The following MTHFD2L variants were observed in gnomAD, a reference collection of about 807,000 sequenced individuals.
MTHFD2L encodes methylenetetrahydrofolate dehydrogenase (NADP+ dependent) 2 like.
A neutral mutation model predicts 34.9 loss-of-function variants in MTHFD2L; 29 were observed. The observed-to-expected ratio is 0.83, with a 90% CI of 0.62 to 1.13. The LOEUF (loss-of-function observed/expected upper bound fraction) is 1.13. MTHFD2L is among the 50% of genes most tolerant of loss of function. The pLI is 0.00. For synonymous variants in MTHFD2L, 167 were observed against 155.7 expected (o/e 1.07, Z -0.54); for missense variants, 481 against 446.5 (o/e 1.08, Z -0.70).
chr4:74,195,076 A>G (rs1023772902), intron 3 of MTHFD2L: 2 of 152,218 alleles, frequency 1.3e-5, no homozygotes, highest in African/African-American at 4.8e-5. Context: ...TTTTTTAGGA[A>G]AGCCTTCCAG....
intron 7 of MTHFD2L, among the ~76,000 whole-genome samples, chr4:74,297,283 G>C (rs1378193202): frequency 1.3e-5 from 2 of 151,968 alleles, no homozygotes; most frequent in East Asian, 3.8e-4. Flanking sequence ...AATAAGATTT[G>C]GTGATTGTTT....
At chr4:74,163,209 A>G (rs1725841044) in intron 1 of MTHFD2L, among the ~76,000 whole-genome samples, 1 of 152,178 alleles carries the variant, frequency 6.6e-6, no homozygotes. Flanking sequence ...TCTGCACATC[A>G]CTATTTTGTT....
intron 5 of MTHFD2L, among the ~76,000 whole-genome samples, chr4:74,224,663 A>G (rs955171711): frequency 1.3e-5 from 2 of 152,098 alleles, no homozygotes. Flanking sequence ...AGGCTTTCAT[A>G]TAAAATCTTC....
At chr4:74,216,568 G>C (rs916945524) in intron 5 of MTHFD2L, among the ~76,000 whole-genome samples, 3 of 151,598 alleles carry the variant, frequency 2.0e-5, no homozygotes, top group Middle Eastern at 3.2e-3. Context: ...TCTATCTCCT[G>C]TATACTTTAG....
At chr4:74,263,907 A>T (rs146129903) in intron 6 of MTHFD2L, among the ~76,000 whole-genome samples, 100 of 152,168 alleles carry the variant, frequency 6.6e-4, no homozygotes, top group African/African-American at 2.3e-3. Context: ...CTAACCTTTG[A>T]AAATCTGTCC....
intron 7 of MTHFD2L, among the ~76,000 whole-genome samples, chr4:74,283,632 A>C (rs1311877285): frequency 6.6e-6 from 1 of 152,108 alleles, no homozygotes; most frequent in Non-Finnish European, 1.5e-5. Flanking sequence ...CATCCAACAG[A>C]GCATTACCAA....
At chr4:74,146,048 G>C (rs1163540806) in intron 1 of MTHFD2L, among the ~76,000 whole-genome samples, 1 of 152,056 alleles carries the variant, frequency 6.6e-6, no homozygotes, top group Non-Finnish European at 1.5e-5. Flanking sequence ...CATTGAAAAA[G>C]ACACATATTT....
chr4:74,225,458 C>A, intron 6 of MTHFD2L, 64 bp downstream of exon 6: 1 of 1,340,276 alleles, frequency 7.5e-7, no homozygotes, highest in Non-Finnish European at 1.1e-6. Flanking sequence ...GCCCTAAATG[C>A]TGACATGTTT....
At chr4:74,122,538 C>A (rs1361036174), upstream of MTHFD2L, among the ~76,000 whole-genome samples, 1 of 152,120 alleles carries the variant, frequency 6.6e-6, no homozygotes, top group Non-Finnish European at 1.5e-5. Flanking sequence ...GGACACAGAG[C>A]CAACCATAAC....
At chr4:74,244,725 T>A (rs1346208482) in intron 6 of MTHFD2L, among the ~76,000 whole-genome samples, 1 of 152,212 alleles carries the variant, frequency 6.6e-6, no homozygotes, top group Non-Finnish European at 1.5e-5. Context: ...ATTACAGAGT[T>A]CATTGAAGTG....
intron 5 of MTHFD2L, among the ~76,000 whole-genome samples, chr4:74,207,766 C>CTTTTTTTTTTTTTTTTTT (rs768932793): frequency 7.0e-5 from 9 of 128,472 alleles, no homozygotes; most frequent in East Asian, 2.2e-4. Flanking sequence ...TGAAAAAGAA[C>CTTTTTTTTTTTTTTTTTT]TTTTTTTTTT....
intron 7 of MTHFD2L, among the ~76,000 whole-genome samples, chr4:74,295,102 A>G (rs994729999): frequency 6.6e-6 from 1 of 152,064 alleles, no homozygotes; most frequent in Non-Finnish European, 1.5e-5. Context: ...AGACTCTTTT[A>G]AAAGCTTATT....
chr4:74,191,582 G>T (rs560640856), intron 3 of MTHFD2L, among the ~76,000 whole-genome samples: 4 of 151,650 alleles, frequency 2.6e-5, no homozygotes, highest in South Asian at 4.2e-4. Context: ...ATGGAGTCTT[G>T]CACTGTTGCC....
chr4:74,170,206 C>CA (rs1727618249), intron 1 of MTHFD2L, among the ~76,000 whole-genome samples: 1 of 152,154 alleles, frequency 6.6e-6, no homozygotes, highest in Non-Finnish European at 1.5e-5. Context: ...ACCTCTTATG[C>CA]ATGTAGATGC....
chr4:74,137,279 A>T (rs1281150904), intron 1 of MTHFD2L, among the ~76,000 whole-genome samples: 1 of 152,184 alleles, frequency 6.6e-6, no homozygotes, highest in African/African-American at 2.4e-5. Flanking sequence ...AAAAAAATGT[A>T]AACCTTAATT....
chr4:74,191,743 T>G (rs1376435781), intron 3 of MTHFD2L, among the ~76,000 whole-genome samples: 8 of 151,686 alleles, frequency 5.3e-5, no homozygotes, highest in African/African-American at 1.9e-4. Flanking sequence ...GGGTTTTGTA[T>G]TTTTAGGGTT....
chr4:74,233,944 T>G (rs1254393334), intron 6 of MTHFD2L, among the ~76,000 whole-genome samples: 1 of 151,916 alleles, frequency 6.6e-6, no homozygotes, highest in Non-Finnish European at 1.5e-5. Flanking sequence ...CACATATATA[T>G]GTACTATTTC....
At chr4:74,170,573 A>G (rs1727702525) in intron 1 of MTHFD2L, among the ~76,000 whole-genome samples, 1 of 152,184 alleles carries the variant, frequency 6.6e-6, no homozygotes, top group Admixed American at 6.5e-5. Context: ...TGGTCCATAA[A>G]AGGAAAAAAT....
Position 74,175,273 on chromosome 4 carries a change from T to C in MTHFD2L, c.329-8T>C. 6.2e-7 allele frequency: 1 copy of C among 1,610,436 alleles called. No individual in the cohort carries two copies. The highest frequency in any genetic ancestry group is 8.5e-7 in the Non-Finnish European group (1 of 1,178,394). ...TCAAGTGACCTTCTCTACCTGTTTT[T>C]CTTCTAGGTATTTGTAGTGAGCTCA... On this transcript the variant is annotated splice_region_variant and splice_polypyrimidine_tract_variant and intron_variant, in intron 2 of 7. Coordinates refer to ENST00000325278, the MANE Select transcript of MTHFD2L (RefSeq NM_001144978.3).
Sources: allele counts gnomAD v4.1 joint callset (sites outside exome capture counted in the v4.1 genomes callset), GRCh38; gene constraint gnomAD v4.1.1; transcripts MANE v1.5; gene names NCBI Gene and HGNC (gene_info 2026-07-23, HGNC 2026-07-21).